The following ERC2 variants were observed in gnomAD, a reference collection of about 807,000 sequenced individuals.
ERC2 encodes ELKS/RAB6-interacting/CAST family member 2.
Under a neutral mutation model 114.8 loss-of-function variants are expected in ERC2, and 42 were observed. The ratio of observed to expected loss-of-function variants is 0.37; its 90% CI spans 0.29 to 0.47. The LOEUF (loss-of-function observed/expected upper bound fraction) is 0.47, where lower values mean the gene tolerates loss of function less well. Among genes scored for constraint, ERC2 ranks in the 20% least tolerant of loss-of-function variants. ERC2 has a pLI of 0.99. For missense variants in ERC2, 939 were observed against 1,150.7 expected (o/e 0.82, Z 2.66); for synonymous variants, 454 against 425.5 (o/e 1.07, Z -0.82).
At chr3:55,549,368 AC>A (rs1467210312) in intron 17 of ERC2, among the ~76,000 whole-genome samples, 1 of 151,642 alleles carries the variant, frequency 6.6e-6, no homozygotes, top group Non-Finnish European at 1.5e-5. Flanking sequence ...ACCACTGGGG[AC>A]CCTGAGGCCT....
intron 15 of ERC2, among the ~76,000 whole-genome samples, chr3:55,701,946 C>T (rs1247277189): frequency 3.3e-5 from 5 of 152,168 alleles, no homozygotes; most frequent in African/African-American, 4.8e-5. Flanking sequence ...GGAAGGGACT[C>T]GCTCAAGAAT....
intron 3 of ERC2, among the ~76,000 whole-genome samples, chr3:56,274,491 G>A (rs1164007980): frequency 7.0e-6 from 1 of 142,054 alleles, no homozygotes; most frequent in Admixed American, 7.3e-5. Flanking sequence ...AGGGAAACCT[G>A]TATTTTCAAT....
intron 7 of ERC2, among the ~76,000 whole-genome samples, chr3:56,052,197 T>C (rs993245457): frequency 1.3e-5 from 2 of 152,190 alleles, no homozygotes; most frequent in Non-Finnish European, 2.9e-5. Context: ...TTAACAGTCA[T>C]TGCAGACCTG....
At chr3:55,690,140 C>T (rs1444633409) in intron 16 of ERC2, among the ~76,000 whole-genome samples, 5 of 152,116 alleles carry the variant, frequency 3.3e-5, no homozygotes, top group South Asian at 2.1e-4. Context: ...GATGGATGCC[C>T]AAATCCGAAT....
At chr3:56,090,688 G>C (rs1344078431) in intron 6 of ERC2, among the ~76,000 whole-genome samples, 1 of 149,762 alleles carries the variant, frequency 6.7e-6, no homozygotes, top group Non-Finnish European at 1.5e-5. Context: ...TTTAGATCTG[G>C]GTTTGTTACG....
At chr3:55,759,628 T>C (rs1216653463) in intron 14 of ERC2, among the ~76,000 whole-genome samples, 6 of 152,142 alleles carry the variant, frequency 3.9e-5, no homozygotes, top group Non-Finnish European at 7.4e-5. Flanking sequence ...TGTTTTTTTC[T>C]TCCCTTGCAA....
At chr3:56,120,854 TAACTG>T (rs977194819) in intron 6 of ERC2, among the ~76,000 whole-genome samples, 1 of 152,244 alleles carries the variant, frequency 6.6e-6, no homozygotes, top group African/African-American at 2.4e-5. Context: ...GGCCATCTGA[TAACTG>T]AACTTCAGGT....
intron 7 of ERC2, among the ~76,000 whole-genome samples, chr3:56,065,569 A>G (rs1052454503): frequency 2.6e-5 from 4 of 151,964 alleles, no homozygotes; most frequent in Non-Finnish European, 5.9e-5. Context: ...ATACATGTGC[A>G]GAACGTGCAG....
At chr3:56,136,996 C>T (rs923752357) in intron 6 of ERC2, among the ~76,000 whole-genome samples, 1 of 152,150 alleles carries the variant, frequency 6.6e-6, no homozygotes, top group African/African-American at 2.4e-5. Flanking sequence ...GAACATGGGA[C>T]GGAAGCTATC....
chr3:55,626,789 T>A (rs547956790), intron 17 of ERC2, among the ~76,000 whole-genome samples: 2 of 152,220 alleles, frequency 1.3e-5, no homozygotes, highest in Non-Finnish European at 2.9e-5. Flanking sequence ...ACAGCACAGG[T>A]CATAGGTCCT....
intron 14 of ERC2, among the ~76,000 whole-genome samples, chr3:55,779,203 C>T (rs2068827568): frequency 6.6e-6 from 1 of 151,922 alleles, no homozygotes; most frequent in East Asian, 1.9e-4. Flanking sequence ...GGAAATAGGC[C>T]AGGTGCGGTG....
chr3:55,922,398 G>A (rs2149385966), intron 13 of ERC2, among the ~76,000 whole-genome samples: 1 of 152,054 alleles, frequency 6.6e-6, no homozygotes, highest in East Asian at 1.9e-4. Flanking sequence ...AGCCTTGCAA[G>A]GGGCTTATTT....
intron 14 of ERC2, among the ~76,000 whole-genome samples, chr3:55,784,752 C>T (rs1207327893): frequency 6.6e-6 from 1 of 152,168 alleles, no homozygotes; most frequent in African/African-American, 2.4e-5. Flanking sequence ...GCTTCAATTA[C>T]CATCTACATG....
At chr3:55,992,417 A>G (rs2071149019) in intron 10 of ERC2, among the ~76,000 whole-genome samples, 167 bp from the exon 11 acceptor site, 1 of 152,164 alleles carries the variant, frequency 6.6e-6, no homozygotes, top group Non-Finnish European at 1.5e-5. Context: ...CATTTCAGCT[A>G]CCTTAGAAGA....
chr3:55,745,164 C>T (rs978058686), intron 14 of ERC2, among the ~76,000 whole-genome samples: 1 of 152,184 alleles, frequency 6.6e-6, no homozygotes, highest in Non-Finnish European at 1.5e-5. Flanking sequence ...AAGAAGAAAA[C>T]AGACTTTGGA....
At chr3:55,773,775 T>C (rs774947607) in intron 14 of ERC2, among the ~76,000 whole-genome samples, 29 of 152,246 alleles carry the variant, frequency 1.9e-4, no homozygotes, top group Non-Finnish European at 2.2e-4. Context: ...AAGGCTATTT[T>C]GGTTAGAAGT....
chr3:56,063,676 G>A (rs2076340897), intron 7 of ERC2, among the ~76,000 whole-genome samples: 1 of 152,128 alleles, frequency 6.6e-6, no homozygotes, highest in East Asian at 1.9e-4. Context: ...GAGATTCAAA[G>A]CCAGGCCTGT....
At chr3:55,671,002 A>G (rs903349329) in intron 17 of ERC2, among the ~76,000 whole-genome samples, 2 of 152,188 alleles carry the variant, frequency 1.3e-5, no homozygotes, top group Non-Finnish European at 2.9e-5. Context: ...CCAAGACCAC[A>G]CGTGGCACAC....
At chr3:55,721,480 G>A (rs572410648) in intron 15 of ERC2, among the ~76,000 whole-genome samples, 3 of 152,366 alleles carry the variant, frequency 2.0e-5, no homozygotes, top group East Asian at 3.9e-4. Flanking sequence ...TGAATGCACT[G>A]GAATAATCTC....
Sources: allele counts gnomAD v4.1 joint callset (sites outside exome capture counted in the v4.1 genomes callset), GRCh38; gene constraint gnomAD v4.1.1; transcripts MANE v1.5; gene names NCBI Gene and HGNC (gene_info 2026-07-23, HGNC 2026-07-21).